AHCYL2: variants seen among roughly 807,000 people sequenced by gnomAD.
AHCYL2 encodes the protein S-adenosylhomocysteine hydrolase-like protein 2.
A neutral mutation model predicts 81.4 loss-of-function variants in AHCYL2; 28 were observed. The ratio of observed to expected loss-of-function variants is 0.34; its 90% CI spans 0.25 to 0.47. The LOEUF (loss-of-function observed/expected upper bound fraction) is 0.47. Among genes scored for constraint, AHCYL2 ranks in the 20% least tolerant of loss-of-function variants. The pLI is 1.00. For missense variants in AHCYL2, 551 were observed against 785.1 expected (o/e 0.70, Z 3.56); for synonymous variants, 272 against 290.2 (o/e 0.94, Z 0.64).
intron 1 of AHCYL2, among the ~76,000 whole-genome samples, chr7:129,263,463 G>T (rs867159171): frequency 6.6e-6 from 1 of 152,214 alleles, no homozygotes; most frequent in African/African-American, 2.4e-5. Flanking sequence ...AATAATAATG[G>T]CATCTATTTA....
At chr7:129,355,879 A>T (rs1793719222) in intron 1 of AHCYL2, among the ~76,000 whole-genome samples, 1 of 152,196 alleles carries the variant, frequency 6.6e-6, no homozygotes, top group Non-Finnish European at 1.5e-5. Flanking sequence ...TCAATGGGGA[A>T]AGGTTAAAAG....
rs4392842 is a variant in AHCYL2, at chr7:129,293,149, G to T, written c.363+67710G>T. Among the ~76,000 whole-genome samples the T allele has an allele frequency of 6.6e-3, 896 of 135,678 alleles. 4 individuals carry two copies. The highest frequency in any genetic ancestry group is 0.048 in the South Asian group (211 of 4,408). 89.0% of individuals were successfully genotyped at this position (135,678 alleles called of 152,430 possible). A position where few individuals can be genotyped will look rare whatever the true frequency, so the allele number is the denominator to read the frequency against. On this transcript the variant is annotated intron_variant, in intron 1 of 16. Transcript: ENST00000325006. ...TGATCAGTGAAGACAGAGTTTTTGGGTTTTTTTTTTGGTATCTTTCAAAGT... is the reference window on the plus strand; with the variant it reads ...TGATCAGTGAAGACAGAGTTTTTGGTTTTTTTTTTTGGTATCTTTCAAAGT...
chr7:129,260,722 A>G (rs755240187), intron 1 of AHCYL2, among the ~76,000 whole-genome samples: 2 of 152,188 alleles, frequency 1.3e-5, no homozygotes, highest in Non-Finnish European at 2.9e-5. Context: ...TAAGCTGTCA[A>G]TTCAGTACAA....
At chr7:129,283,439 T>C (rs1442274135) in intron 1 of AHCYL2, 1 of 455,858 alleles carries the variant, frequency 2.2e-6, no homozygotes, top group Non-Finnish European at 4.4e-6. Flanking sequence ...GTAAATCTTA[T>C]ACTTGTTATT....
In AHCYL2 at chr7:129,268,473, G is replaced by C. The variant is rs534376477; in HGVS notation, c.363+43034G>C. Among the ~76,000 whole-genome samples, 15 of 152,208 alleles carry C rather than the reference G, an allele frequency of 9.9e-5. No homozygotes were observed. In the South Asian group the frequency reaches 2.7e-3, roughly 27 times the overall value. On this transcript the variant is annotated intron_variant, in intron 1 of 16. Coordinates refer to ENST00000325006, the MANE Select transcript of AHCYL2 (RefSeq NM_015328.4). ...AGTGATTCTCCTGCCTCAGCCTCCT[G>C]AGTAGCTGGGACTACAGGCACGGGC...
chr7:129,268,872 CAGTG>C (rs1795904847), intron 1 of AHCYL2, among the ~76,000 whole-genome samples: 1 of 152,146 alleles, frequency 6.6e-6, no homozygotes, highest in South Asian at 2.1e-4. Context: ...GCATACAATT[CAGTG>C]AGTGATTTTT....
At chr7:129,342,438 TTAAAA>T (rs1217437379) in intron 1 of AHCYL2, among the ~76,000 whole-genome samples, 1 of 152,142 alleles carries the variant, frequency 6.6e-6, no homozygotes, top group Non-Finnish European at 1.5e-5. Context: ...ACCCTTTCCT[TTAAAA>T]TAGGAATAAA....
intron 11 of AHCYL2, 125 bp downstream of exon 11, chr7:129,409,671 GC>G: frequency 1.4e-6 from 1 of 715,904 alleles, no homozygotes; most frequent in Non-Finnish European, 2.3e-6. Context: ...AGCCCACAAA[GC>G]CAGCCAGTCT....
intron 1 of AHCYL2, among the ~76,000 whole-genome samples, chr7:129,229,258 A>G (rs1298033926): frequency 6.6e-6 from 1 of 152,026 alleles, no homozygotes; most frequent in Non-Finnish European, 1.5e-5. Flanking sequence ...GTAGAGATGA[A>G]GTTTCTCCAT....
rs1218128157 is a variant in AHCYL2, at chr7:129,406,677, A to G, written c.1295+211A>G. Among the ~76,000 whole-genome samples, 1 of 152,222 alleles carries G rather than the reference A, an allele frequency of 6.6e-6. No individual in the cohort carries two copies. Among genetic ancestry groups the G allele is most frequent in the Non-Finnish European group, 1.5e-5 (1 of 68,032 alleles). ...GAAAATTTAGAAATCCTGTGGAGAT[A>G]GTAACAGGGATTCTGTCAGCCAGAG... is the stretch of plus-strand genomic sequence containing the variant. On this transcript the variant is annotated intron_variant, in intron 10 of 16. Coordinates refer to ENST00000325006, the MANE Select transcript of AHCYL2 (RefSeq NM_015328.4). This position sits in a 1 kb window ranked among gnomAD's most constrained non-coding sequence, Gnocchi z 4.3.
chr7:129,417,977 CTT>C (rs2150960616), intron 12 of AHCYL2, among the ~76,000 whole-genome samples: 1 of 152,256 alleles, frequency 6.6e-6, no homozygotes, highest in South Asian at 2.1e-4. Context: ...AAGGAAGTCT[CTT>C]TGAGGAGATA....
intron 1 of AHCYL2, among the ~76,000 whole-genome samples, chr7:129,226,354 G>A (rs1794217464): frequency 6.6e-6 from 1 of 152,180 alleles, no homozygotes; most frequent in Non-Finnish European, 1.5e-5. Context: ...CTCAAAGCTT[G>A]TCTTTCTTTC....
intron 13 of AHCYL2, chr7:129,424,597 A>G: frequency 2.0e-6 from 1 of 500,828 alleles, no homozygotes. Flanking sequence ...AAGTACACTG[A>G]TATTTGGCAT....
At chr7:129,399,174 C>T (rs762391772) in intron 5 of AHCYL2, among the ~76,000 whole-genome samples, 110 of 138,480 alleles carry the variant, frequency 7.9e-4, no homozygotes, top group Non-Finnish European at 4.6e-4. Flanking sequence ...AGAGGCCAGG[C>T]GCGGTGGCTC....
intron 1 of AHCYL2, among the ~76,000 whole-genome samples, chr7:129,328,319 AG>A: frequency 6.6e-6 from 1 of 152,214 alleles, no homozygotes; most frequent in Non-Finnish European, 1.5e-5. Context: ...CTGGGATTAC[AG>A]GCATGGGCCA....
Position 129,368,886 on chromosome 7 carries a change from T to C in AHCYL2, c.364-10752T>C, listed in dbSNP as rs1794233260. On this transcript the variant is annotated intron_variant, in intron 1 of 16. Coordinates refer to ENST00000325006, the MANE Select transcript of AHCYL2 (RefSeq NM_015328.4). This position sits in a 1 kb window ranked among gnomAD's most constrained non-coding sequence, Gnocchi z 4.4. ...CTTCTGTTTTCAACCTGATGCTTCA[T>C]TTGTTTCTCTGGGGGTAAAGAAAAA... 6.6e-6 allele frequency among the ~76,000 whole-genome samples: 1 copy of C among 152,164 alleles called. No individual in the cohort carries two copies. The highest frequency in any genetic ancestry group is 6.5e-5 in the Admixed American group (1 of 15,278).
chr7:129,252,545 T>C (rs1489277884), intron 1 of AHCYL2, among the ~76,000 whole-genome samples: 3 of 152,176 alleles, frequency 2.0e-5, no homozygotes, highest in African/African-American at 4.8e-5. Flanking sequence ...TGCAGGAGGA[T>C]TGCTTGAGCA....
intron 1 of AHCYL2, among the ~76,000 whole-genome samples, chr7:129,294,249 C>G (rs1796978023): frequency 6.6e-6 from 1 of 152,132 alleles, no homozygotes. Context: ...TCTCTAAAAG[C>G]TCTCTTTAGA....
chr7:129,389,569 C>A, intron 3 of AHCYL2, 65 bp from the exon 4 acceptor site: 1 of 1,344,028 alleles, frequency 7.4e-7, no homozygotes, highest in Non-Finnish European at 1.0e-6. Flanking sequence ...ACAAGTTTTT[C>A]TGTTTGTTCT....
Sources: gnomAD v4.1 joint callset for allele counts (sites outside exome capture counted in the v4.1 genomes callset) on GRCh38, gnomAD v4.1.1 for gene constraint, Gnocchi (gnomAD v3.1) non-coding constraint, MANE v1.5 for transcripts, NCBI Gene and HGNC (gene_info 2026-07-23, HGNC 2026-07-21) for gene names.